Variants in LAMA5 observed in about 807,000 individuals in gnomAD.
The protein encoded by LAMA5 is laminin subunit alpha 5, also known as laminin subunit alpha-5.
A neutral mutation model predicts 433.4 loss-of-function variants in LAMA5; 260 were observed. The ratio of observed to expected loss-of-function variants is 0.60; its 90% CI spans 0.54 to 0.66. The LOEUF (loss-of-function observed/expected upper bound fraction) is 0.66. Among genes scored for constraint, LAMA5 ranks in the 30% least tolerant of loss-of-function variants. The pLI is 0.00. For synonymous variants in LAMA5, 2,620 were observed against 2,226.6 expected (o/e 1.18, Z -4.97); for missense variants, 5,378 against 5,258.5 (o/e 1.02, Z -0.70).
chr20:62,320,337 A>G (rs1012144290), intron 50 of LAMA5, among the ~76,000 whole-genome samples: 1 of 151,732 alleles, frequency 6.6e-6, no homozygotes, highest in Non-Finnish European at 1.5e-5. Flanking sequence ...AAAAAAAAAA[A>G]AAAAAAGACA....
chr20:62,319,636 G>T, intron 51 of LAMA5, 48 bp downstream of exon 51: 1 of 1,378,724 alleles, frequency 7.3e-7, no homozygotes, highest in Non-Finnish European at 9.9e-7. Flanking sequence ...CCTACCCCAG[G>T]CAGCCCTCCT....
Position 62,320,842 on chromosome 20 carries a change from C to A in LAMA5, c.6545G>T (p.Gly2182Val), listed in dbSNP as rs1987626040. The A allele has an allele frequency of 6.2e-7, 1 of 1,612,420 alleles. No individual in the cohort carries two copies. Among genetic ancestry groups the A allele is most frequent in the Non-Finnish European group, 8.5e-7 (1 of 1,179,792 alleles). ...VLLLDDLERA[G>V]ALLPAIHEQL... ...CTCGTGAATGGCGGGGAGGAGGGCG[C>A]CGGCCCGTTCCAGGTCATCCAGGAG... The change falls in exon 49 of 80, where the codon GGC (glycine) becomes GTC (valine). Residue 2182 changes from glycine (G) to valine (V), a missense_variant. Coordinates refer to ENST00000252999, the MANE Select transcript of LAMA5 (RefSeq NM_005560.6).
chr20:62,345,853 G>A lies in LAMA5; in HGVS notation c.1442C>T (p.Thr481Ile). ...GCCGGCTGGCAGCACCTGCTCCCTG[G>A]TGTCATTGGAGGACGAGGGCGTCGC... ...CYPTPSSSND[T>I]REQVLPAGQI... Residue 481 changes from threonine (T) to isoleucine (I), a missense_variant, in exon 11 of 80, where the codon ACC becomes ATC. Physicochemically the swap from Thr to Ile is moderately conservative, Grantham distance 89 (BLOSUM62 -1). Transcript: ENST00000252999. 2 of 1,552,872 alleles carry A rather than the reference G, an allele frequency of 1.3e-6. No homozygotes were observed. The highest frequency in any genetic ancestry group is 1.7e-6 in the Non-Finnish European group (2 of 1,148,040).
intron 20 of LAMA5, 112 bp downstream of exon 20, chr20:62,334,909 C>A: frequency 1.0e-6 from 1 of 994,824 alleles, no homozygotes; most frequent in East Asian, 2.5e-5. Context: ...AGCCATCCAT[C>A]ACCCGGGCTT....
chr20:62,325,614 A>T, intron 40 of LAMA5, 68 bp from the exon 41 acceptor site: 1 of 1,043,560 alleles, frequency 9.6e-7, no homozygotes, highest in Non-Finnish European at 1.4e-6. Flanking sequence ...CCTAGAACAG[A>T]CCCCCCAACC....
rs777139712 is a variant in LAMA5 at position 62,315,205 on chromosome 20, C to T, written c.7870G>A (p.Glu2624Lys). ...GCATGTGCGATCTTCTTGCTTGTCT[C>T]GTCTGTGGTGGGCAGAGGGCAGGCT... ...AQAMLAMDTD[E>K]TSKKIAHAKA... Residue 2624 changes from glutamate (E) to lysine (K), a missense_variant and splice_region_variant, in exon 59 of 80, where the codon GAG (glutamate) becomes AAG (lysine). Coordinates refer to ENST00000252999, the MANE Select transcript of LAMA5 (RefSeq NM_005560.6). The T allele has an allele frequency of 2.4e-5, 38 of 1,603,902 alleles. No individual in the cohort carries two copies. The highest frequency in any genetic ancestry group is 3.1e-5 in the Non-Finnish European group (37 of 1,175,194).
intron 11 of LAMA5, among the ~76,000 whole-genome samples, chr20:62,339,968 C>T (rs1050329309): frequency 2.6e-5 from 4 of 152,132 alleles, no homozygotes; most frequent in African/African-American, 7.2e-5. Context: ...CTTAAACCAA[C>T]GCCTCAGACA....
intron 11 of LAMA5, among the ~76,000 whole-genome samples, chr20:62,343,780 A>AAAAAAAAAAAG (rs1982952716): frequency 6.7e-6 from 1 of 149,718 alleles, no homozygotes; most frequent in Non-Finnish European, 1.5e-5. Flanking sequence ...CCATCAAAAA[A>AAAAAAAAAAAG]AAAAAAAAGA....
chr20:62,337,920 C>A lies in LAMA5; in HGVS notation c.1910G>T (p.Arg637Leu), dbSNP rs376781670. The change falls in exon 15 of 80, where the codon CGG (arginine) becomes CTG (leucine). Residue 637 changes from arginine to leucine, a missense_variant. Coordinates refer to ENST00000252999, the MANE Select transcript of LAMA5 (RefSeq NM_005560.6). Reference sequence around the variant, plus strand: ...CCCACAGAGCTGGTCCAGGGCTCCCCGAGGGTCGCAGGTGCATGCTGCAGA... The same window carrying A: ...CCCACAGAGCTGGTCCAGGGCTCCCAGAGGGTCGCAGGTGCATGCTGCAGA... ...PNCQACTCDP[R>L]GALDQLCGAG... 1 of 1,610,414 alleles carries A rather than the reference C, an allele frequency of 6.2e-7. No individual in the cohort carries two copies. The highest frequency in any genetic ancestry group is 2.2e-5 in the East Asian group (1 of 44,700).
intron 18 of LAMA5, 116 bp downstream of exon 18, chr20:62,336,224 A>G (rs1981601854): frequency 1.5e-6 from 1 of 686,004 alleles, no homozygotes; most frequent in Non-Finnish European, 2.5e-6. Flanking sequence ...TCCAGGGCAC[A>G]CTCACTGGCT....
Position 62,313,684 on chromosome 20 carries a change from C to T in LAMA5, c.8623G>A (p.Val2875Ile), listed in dbSNP as rs199704088. 39 of 1,612,836 alleles carry T rather than the reference C, an allele frequency of 2.4e-5. No individual in the cohort carries two copies. The South Asian group carries it at 3.4e-4, about 14-fold the overall frequency. The change falls in exon 63 of 80, where the codon GTC (valine) becomes ATC (isoleucine). Residue 2875 changes from valine to isoleucine, a missense_variant. By Grantham distance (29) the Val-to-Ile change is conservative (BLOSUM62 3). Transcript: ENST00000252999. The part of the protein sequence containing the change: ...GLLNLRPDDF[V>I]FYVGGYPSTF... ...CTGGGGTACCCCCCGACGTAGAAGA[C>T]GAAGTCGTCTGGCCGCAGGTTGAGC...
At chr20:62,316,107 C>CAA in intron 57 of LAMA5, 49 bp from the exon 58 acceptor site, 2 of 1,306,562 alleles carry the variant, frequency 1.5e-6, no homozygotes, top group Non-Finnish European at 2.2e-6. Flanking sequence ...CCCCAGTATA[C>CAA]AATTGCAGCC....
At chr20:62,343,421 G>T (rs1982888556) in intron 11 of LAMA5, among the ~76,000 whole-genome samples, 1 of 152,016 alleles carries the variant, frequency 6.6e-6, no homozygotes, top group East Asian at 1.9e-4. Context: ...ACGGAAAAAA[G>T]CTCCCCCCCA....
In LAMA5 at chr20:62,352,376, G is replaced by C; in HGVS notation, c.569-16C>G. 6.3e-7 allele frequency: 1 copy of C among 1,578,166 alleles called. No homozygotes were observed. The highest frequency in any genetic ancestry group is 8.6e-7 in the Non-Finnish European group (1 of 1,162,454). On this transcript the variant is annotated splice_polypyrimidine_tract_variant and intron_variant, in intron 3 of 79. Coordinates refer to ENST00000252999, the MANE Select transcript of LAMA5 (RefSeq NM_005560.6). ...CTCTTGGAGGCTGCGGGGAATGGCG[G>C]GAGGGGAGGGCGCTGGATCACCAGA...
intron 1 of LAMA5, among the ~76,000 whole-genome samples, chr20:62,363,805 G>C (rs1986423222): frequency 6.6e-6 from 1 of 152,020 alleles, no homozygotes. Flanking sequence ...CACCTACAGA[G>C]GGCCCAACCC....
In LAMA5 at chr20:62,352,266, GC is replaced by G; in HGVS notation, c.662del (p.Arg221ProfsTer15). ...CCTCTCCGTTCTCCAGGGGCACGAT[GC>G]GTGAGTACTCGGTGGTGCAGATGGC... ...DAAICTTEYS[R>X]IVPLENGEIV... On this transcript the variant is annotated frameshift_variant, in exon 4 of 80. Coordinates refer to ENST00000252999, the MANE Select transcript of LAMA5 (RefSeq NM_005560.6). LOFTEE classifies it high-confidence loss of function. The G allele has an allele frequency of 6.3e-7, 1 of 1,599,872 alleles. No homozygotes were observed. The highest frequency in any genetic ancestry group is 8.5e-7 in the Non-Finnish European group (1 of 1,179,634).
chr20:62,318,332 G>A lies in LAMA5; in HGVS notation c.7239+122C>T, dbSNP rs1455947155. On this transcript the variant is annotated intron_variant, in intron 53 of 79. Transcript: ENST00000252999. Reference sequence around the variant, plus strand: ...GAAGAGGAGGAGGGGGGGAGGACGAGGGAGGGGAGGACGGAGGGAGGGGAG... The same window carrying A: ...GAAGAGGAGGAGGGGGGGAGGACGAAGGAGGGGAGGACGGAGGGAGGGGAG... 8.1e-6 allele frequency: 4 copies of A among 495,930 alleles called. 1 individual carries two copies. In the Admixed American group the frequency reaches 1.3e-4, roughly 16 times the overall value. 30.7% of individuals were successfully genotyped at this position (495,930 alleles called of 1,614,324 possible).
chr20:62,316,680 G>A lies in LAMA5; in HGVS notation c.7747C>T (p.Leu2583=), dbSNP rs1462952395. 3 of 1,598,048 alleles carry A rather than the reference G, an allele frequency of 1.9e-6. No homozygotes were observed. Among genetic ancestry groups the A allele is most frequent in the Non-Finnish European group, 2.6e-6 (3 of 1,170,206 alleles). The change falls in exon 57 of 80, where the codon CTG becomes TTG. Residue 2583 remains leucine, a synonymous_variant. Transcript: ENST00000252999. ...GGAGCCCAGCACTCACCAAGGCCCA[G>A]CCTCTGCTGTTCCTGGAGCATGGCC... ...EEAMLQEQQR[L]GLVWAALQGA...
chr20:62,323,211 T>G (rs1978623197), intron 45 of LAMA5, among the ~76,000 whole-genome samples: 1 of 149,098 alleles, frequency 6.7e-6, no homozygotes, highest in African/African-American at 2.5e-5. Context: ...GGTGTGATGG[T>G]CCGGGGGAGG....
Sources: allele counts gnomAD v4.1 joint callset (sites outside exome capture counted in the v4.1 genomes callset), GRCh38; gene constraint gnomAD v4.1.1; transcripts MANE v1.5; gene names NCBI Gene and HGNC (gene_info 2026-07-23, HGNC 2026-07-21).